The following OR2T6 variants were observed in gnomAD, a reference collection of about 807,000 sequenced individuals.
The protein encoded by OR2T6 is olfactory receptor family 2 subfamily T member 6, also known as olfactory receptor 2T6.
For synonymous variants in OR2T6, 174 were observed against 148.0 expected, an observed-to-expected ratio of 1.18 and a Z score of -1.27; for missense variants, 424 against 391.6, an observed-to-expected ratio of 1.08 and a Z score of -0.70.
chr1:248,383,292 A>C (rs540935944), intron 1 of OR2T6, among the ~76,000 whole-genome samples: 4 of 119,656 alleles, frequency 3.3e-5, no homozygotes, highest in Admixed American at 8.2e-5. Context: ...TGCTCATCCT[A>C]TCCTGATGTG....
In OR2T6 at chr1:248,391,417, CT is replaced by C. The variant is rs1485647631; in HGVS notation, c.*2883del. On this transcript the variant is annotated 3_prime_UTR_variant, in exon 3 of 3. Coordinates refer to ENST00000641644, the MANE Select transcript of OR2T6 (RefSeq NM_001005471.2). The stretch of plus-strand genomic sequence containing the variant: ...GCATGACATCCTGGAAAAAACAAAA[CT>C]GTGGATACAGGAAAAAGATAAGTGT... 6.6e-6 allele frequency: 1 copy of C among 152,152 alleles called. No individual in the cohort carries two copies. The highest frequency in any genetic ancestry group is 1.5e-5 in the Non-Finnish European group (1 of 68,042). The allele number at this position is 152,152 out of a possible 1,614,324, so 9.4% of individuals were successfully genotyped here. A position where few individuals can be genotyped will look rare whatever the true frequency, so the allele number is the denominator to read the frequency against.
chr1:248,390,101 T>C lies in OR2T6; in HGVS notation c.*1566T>C, dbSNP rs1303784522. ...TGTGCTTGTTTGAGTCCTTATCTGG[T>C]TGGATACAGTCTTTTATTTTTTAAT... On this transcript the variant is annotated 3_prime_UTR_variant, in exon 3 of 3. Transcript: ENST00000641644. The C allele has an allele frequency of 2.0e-5, 3 of 152,178 alleles. No homozygotes were observed. The highest frequency in any genetic ancestry group is 7.2e-5 in the African/African-American group (3 of 41,446). 9.4% of individuals were successfully genotyped at this position (152,178 alleles called of 1,614,324 possible). A position where few individuals can be genotyped will look rare whatever the true frequency, so the allele number is the denominator to read the frequency against.
intron 1 of OR2T6, among the ~76,000 whole-genome samples, chr1:248,382,532 C>CTTTTTTTTTT (rs773197375): frequency 8.5e-6 from 1 of 117,288 alleles, no homozygotes; most frequent in Non-Finnish European, 1.8e-5. Flanking sequence ...ACCTTTCTTT[C>CTTTTTTTTTT]TTTCTTTTTT....
At position 248,386,247 on chromosome 1, in the gene OR2T6, T is replaced by C. The variant is rs79839672; in HGVS notation, c.-4-1358T>C. Among the ~76,000 whole-genome samples the C allele has an allele frequency of 1.5e-3, 224 of 152,350 alleles. 1 individual carries two copies. Among genetic ancestry groups the C allele is most frequent in the African/African-American group, 5.1e-3 (212 of 41,578 alleles). ...AGGAAACTTTTAAAAGATATTCTTA[T>C]ATTCATCGTGTATTCAAGATGTGAA... On this transcript the variant is annotated intron_variant, in intron 2 of 2. Coordinates refer to ENST00000641644, the MANE Select transcript of OR2T6 (RefSeq NM_001005471.2).
rs1661214784 is a variant in OR2T6, at chr1:248,389,654, T to C, written c.*1119T>C. On this transcript the variant is annotated 3_prime_UTR_variant, in exon 3 of 3. Coordinates refer to ENST00000641644, the MANE Select transcript of OR2T6 (RefSeq NM_001005471.2). Reference sequence around the variant, plus strand: ...GAGTTCCCAAGGGGGCAACTCTCCTTAGTACTTTTCATTCACTTGGTAGTC... The same window carrying C: ...GAGTTCCCAAGGGGGCAACTCTCCTCAGTACTTTTCATTCACTTGGTAGTC... 6.6e-6 allele frequency: 1 copy of C among 152,206 alleles called. No individual in the cohort carries two copies. Among genetic ancestry groups the C allele is most frequent in the Admixed American group, 6.5e-5 (1 of 15,274 alleles). 9.4% of individuals were successfully genotyped at this position (152,206 alleles called of 1,614,324 possible).
At chr1:248,376,178 G>C (rs1288183313) in intron 1 of OR2T6, 124 bp downstream of exon 1, 2 of 152,144 alleles carry the variant, frequency 1.3e-5, no homozygotes, top group Non-Finnish European at 2.9e-5. Context: ...AGATAATTCA[G>C]ATATTTTGTG....
intron 1 of OR2T6, among the ~76,000 whole-genome samples, chr1:248,377,060 C>T (rs1302013676): frequency 6.6e-6 from 1 of 152,180 alleles, no homozygotes; most frequent in Non-Finnish European, 1.5e-5. Flanking sequence ...ATCTGAAAGA[C>T]AGGAACATTC....
chr1:248,391,639 A>G lies in OR2T6; in HGVS notation c.*3104A>G, dbSNP rs141068974. 265 of 152,330 alleles carry G rather than the reference A, an allele frequency of 1.7e-3. 1 individual carries two copies. Among genetic ancestry groups the G allele is most frequent in the African/African-American group, 6.1e-3 (254 of 41,570 alleles). 9.4% of individuals were successfully genotyped at this position (152,330 alleles called of 1,614,324 possible). A position where few individuals can be genotyped will look rare whatever the true frequency, so the allele number is the denominator to read the frequency against. On this transcript the variant is annotated 3_prime_UTR_variant, in exon 3 of 3. Coordinates refer to ENST00000641644, the MANE Select transcript of OR2T6 (RefSeq NM_001005471.2). ...ATGTAAAATATGAACTATTAATAATAATGTATCAAAATTGATTCATCTATT... is the reference window on the plus strand; with the variant it reads ...ATGTAAAATATGAACTATTAATAATGATGTATCAAAATTGATTCATCTATT...
intron 2 of OR2T6, among the ~76,000 whole-genome samples, chr1:248,385,210 T>C (rs975228386): frequency 3.3e-5 from 5 of 152,166 alleles, no homozygotes; most frequent in South Asian, 2.1e-4. Flanking sequence ...ACCTTGTACA[T>C]GTGCTGGCCA....
chr1:248,382,168 T>C (rs1333037258), intron 1 of OR2T6, among the ~76,000 whole-genome samples: 2 of 152,222 alleles, frequency 1.3e-5, no homozygotes, highest in Non-Finnish European at 2.9e-5. Context: ...CAACATTGTA[T>C]ATCTTCAGTT....
Position 248,375,918 on chromosome 1 carries a change from T to G in OR2T6, c.-295T>G. The G allele has an allele frequency of 6.6e-6, 1 of 151,980 alleles. No homozygotes were observed. The highest frequency in any genetic ancestry group is 1.5e-5 in the Non-Finnish European group (1 of 67,996). The allele number at this position is 151,980 out of a possible 1,614,324, so 9.4% of individuals were successfully genotyped here. A position where few individuals can be genotyped will look rare whatever the true frequency, so the allele number is the denominator to read the frequency against. ...TCATCTTTTCAAGGAAAGATACTAA[T>G]ATGAAGACAGAAAAAAAGAAGATCA... On this transcript the variant is annotated 5_prime_UTR_variant, in exon 1 of 3. Coordinates refer to ENST00000641644, the MANE Select transcript of OR2T6 (RefSeq NM_001005471.2).
chr1:248,379,386 C>A (rs1226985252), intron 1 of OR2T6, among the ~76,000 whole-genome samples: 2 of 152,088 alleles, frequency 1.3e-5, no homozygotes, highest in East Asian at 3.9e-4. Flanking sequence ...CTGAGTCAGG[C>A]TATTTTCTGG....
chr1:248,384,318 ATGTGTTTCCT>A (rs1661094784), intron 1 of OR2T6, among the ~76,000 whole-genome samples: 1 of 110,276 alleles, frequency 9.1e-6, no homozygotes, highest in African/African-American at 5.5e-5. Context: ...TCCTATCCTG[ATGTGTTTCCT>A]AGTGTTATCA....
At chr1:248,377,349 A>C (rs1162881694) in intron 1 of OR2T6, among the ~76,000 whole-genome samples, 2 of 152,228 alleles carry the variant, frequency 1.3e-5, no homozygotes, top group Non-Finnish European at 2.9e-5. Flanking sequence ...ATGAGTTTGA[A>C]ATGGGAAAAG....
In OR2T6 at chr1:248,382,554, A is replaced by G. The variant is rs992799540; in HGVS notation, c.-158-2157A>G. Among the ~76,000 whole-genome samples, 680 of 87,374 alleles carry G rather than the reference A, an allele frequency of 7.8e-3. 3 individuals carry two copies. The highest frequency in any genetic ancestry group is 0.028 in the African/African-American group (649 of 22,850). 57.3% of individuals were successfully genotyped at this position (87,374 alleles called of 152,430 possible). ...TTTCTTTCTTTTTTTTTTTTTTTAGATGGAGACTTGCTTTGTTGCCCAGGC... is the reference window on the plus strand; with the variant it reads ...TTTCTTTCTTTTTTTTTTTTTTTAGGTGGAGACTTGCTTTGTTGCCCAGGC... On this transcript the variant is annotated intron_variant, in intron 1 of 2. Coordinates refer to ENST00000641644, the MANE Select transcript of OR2T6 (RefSeq NM_001005471.2).
rs1661186703 is a variant in OR2T6 at position 248,388,369 on chromosome 1, C to T, written c.761C>T (p.Ala254Val). The change falls in exon 3 of 3, where the codon GCT becomes GTT. Residue 254 changes from alanine (A) to valine (V), a missense_variant. By Grantham distance (64) the Ala-to-Val change is moderately conservative. Coordinates refer to ENST00000641644, the MANE Select transcript of OR2T6 (RefSeq NM_001005471.2). ...ATGGTGGTGACATTGTTCTATGGGGCTGCCTTGTATACGTATACGCTTCCC... is the reference window on the plus strand; with the variant it reads ...ATGGTGGTGACATTGTTCTATGGGGTTGCCTTGTATACGTATACGCTTCCC... ...HMMVVTLFYG[A>V]ALYTYTLPQS... is the part of the protein sequence containing the mutation. 1 of 1,613,424 alleles carries T rather than the reference C, an allele frequency of 6.2e-7. No individual in the cohort carries two copies. The highest frequency in any genetic ancestry group is 1.1e-5 in the South Asian group (1 of 90,948).
chr1:248,380,088 G>A (rs936191629), intron 1 of OR2T6, among the ~76,000 whole-genome samples: 1 of 151,646 alleles, frequency 6.6e-6, no homozygotes, highest in African/African-American at 2.4e-5. Context: ...CTGTATGTGT[G>A]TATGTATTAT....
rs1343823850 is a variant in OR2T6 at position 248,391,244 on chromosome 1, A to T, written c.*2709A>T. The T allele has an allele frequency of 6.6e-6, 1 of 152,212 alleles. No individual in the cohort carries two copies. The highest frequency in any genetic ancestry group is 1.5e-5 in the Non-Finnish European group (1 of 68,042). 9.4% of individuals were successfully genotyped at this position (152,212 alleles called of 1,614,324 possible). A position where few individuals can be genotyped will look rare whatever the true frequency, so the allele number is the denominator to read the frequency against. ...AGTCCTTCAGAAATTAAATGGATAAAGTGTGGCACATGCATACAGTGGAAT... is the reference window on the plus strand; with the variant it reads ...AGTCCTTCAGAAATTAAATGGATAATGTGTGGCACATGCATACAGTGGAAT... On this transcript the variant is annotated 3_prime_UTR_variant, in exon 3 of 3. Coordinates refer to ENST00000641644, the MANE Select transcript of OR2T6 (RefSeq NM_001005471.2).
chr1:248,388,444 C>A lies in OR2T6; in HGVS notation c.836C>A (p.Thr279Asn). 1 of 1,613,272 alleles carries A rather than the reference C, an allele frequency of 6.2e-7. No individual in the cohort carries two copies. The highest frequency in any genetic ancestry group is 8.5e-7 in the Non-Finnish European group (1 of 1,179,532). Reference sequence around the variant, plus strand: ...GATAAGGTCTTCTCTGCCTTTTATACCATCCTCACACCCTTATTAAACCCT... The same window carrying A: ...GATAAGGTCTTCTCTGCCTTTTATAACATCCTCACACCCTTATTAAACCCT... ...IKDKVFSAFY[T>N]ILTPLLNPLI... Residue 279 changes from threonine to asparagine, a missense_variant, in exon 3 of 3, where the codon ACC becomes AAC. Transcript: ENST00000641644.
Sources: allele counts gnomAD v4.1 joint callset (sites outside exome capture counted in the v4.1 genomes callset), GRCh38; gene constraint gnomAD v4.1.1; transcripts MANE v1.5; gene names NCBI Gene and HGNC (gene_info 2026-07-23, HGNC 2026-07-21).